Variants in IRAG2 observed in about 807,000 individuals in gnomAD.
IRAG2 encodes the protein inositol 1,4,5-triphosphate receptor associated 2.
In IRAG2, 45 loss-of-function variants were observed where a neutral mutation model predicts 69.9. That is an observed-to-expected ratio of 0.64 (90% CI 0.51 to 0.83). The LOEUF (loss-of-function observed/expected upper bound fraction) is 0.83, where lower values mean the gene tolerates loss of function less well. IRAG2 is among the 40% of genes least tolerant of loss of function. The pLI, the probability that IRAG2 is intolerant of heterozygous loss-of-function variation, is 0.00. For synonymous variants in IRAG2, 193 were observed against 202.4 expected (o/e 0.95, Z 0.40); for missense variants, 520 against 587.0 (o/e 0.89, Z 1.18).
chr12:25,103,811 A>G, intron 17 of IRAG2, 26 bp from the exon 18 acceptor site: 1 of 1,544,362 alleles, frequency 6.5e-7, no homozygotes, highest in Non-Finnish European at 8.9e-7. Flanking sequence ...GAGTTTTCTA[A>G]ATGTACATTT....
intron 2 of IRAG2, among the ~76,000 whole-genome samples, chr12:25,005,670 T>C (rs899688966): frequency 2.4e-4 from 36 of 152,330 alleles, no homozygotes; most frequent in African/African-American, 8.4e-4. Context: ...ACAGGAAATA[T>C]GCTTTTCAAA....
upstream of IRAG2, among the ~76,000 whole-genome samples, chr12:25,003,675 G>A (rs1163841905): frequency 1.3e-5 from 2 of 152,096 alleles, no homozygotes; most frequent in Non-Finnish European, 2.9e-5. Context: ...AAATCTTAGA[G>A]ATGGGACCAT....
chr12:25,062,988 G>C, intron 3 of IRAG2, 88 bp downstream of exon 3: 2 of 397,958 alleles, frequency 5.0e-6, no homozygotes, highest in Non-Finnish European at 8.9e-6. Flanking sequence ...GTATGTATCA[G>C]TAGTCTTAGA....
chr12:25,074,418 C>A (rs987093231), intron 6 of IRAG2, among the ~76,000 whole-genome samples: 1 of 152,188 alleles, frequency 6.6e-6, no homozygotes, highest in African/African-American at 2.4e-5. Flanking sequence ...GCCTCACCGA[C>A]TAGTGGCTTC....
intron 16 of IRAG2, among the ~76,000 whole-genome samples, chr12:25,038,390 C>T (rs531092021): frequency 2.6e-5 from 4 of 151,932 alleles, no homozygotes; most frequent in Non-Finnish European, 5.9e-5. Flanking sequence ...CGCCTGTAAT[C>T]CCAGCACTTT....
rs965576897 is a variant in IRAG2 at position 25,052,807 on chromosome 12, A to T, written c.-596A>T. On this transcript the variant is annotated 5_prime_UTR_variant, in exon 1 of 22. Transcript: ENST00000556887. ...ATCCATGTCCAGGGTAAGGATCGAGATCGAGAAGCCCACACTGCCAGTGAA... is the reference window on the plus strand; with the variant it reads ...ATCCATGTCCAGGGTAAGGATCGAGTTCGAGAAGCCCACACTGCCAGTGAA... 7.5e-6 allele frequency: 3 copies of T among 398,544 alleles called. No homozygotes were observed. The highest frequency in any genetic ancestry group is 6.2e-5 in the African/African-American group (3 of 48,638). 24.7% of individuals were successfully genotyped at this position (398,544 alleles called of 1,614,324 possible). A position where few individuals can be genotyped will look rare whatever the true frequency, so the allele number is the denominator to read the frequency against.
At chr12:25,074,601 A>G (rs1946555024) in intron 6 of IRAG2, among the ~76,000 whole-genome samples, 1 of 152,208 alleles carries the variant, frequency 6.6e-6, no homozygotes, top group Non-Finnish European at 1.5e-5. Flanking sequence ...ACTCTGTAAC[A>G]TACGCAAAAT....
At position 25,077,255 on chromosome 12, in the gene IRAG2, TATATATATGAA is replaced by T. The variant is rs1565562686; in HGVS notation, c.25-1967_25-1957del. ...ATATATATATGAAATATATATATGATATATATATGAAATATATATGAAATATATATGATATA... is the reference window on the plus strand; with the variant it reads ...ATATATATATGAAATATATATATGATATATATATGAAATATATATGATATA... On this transcript the variant is annotated intron_variant, in intron 6 of 21. Transcript: ENST00000556887. Among the ~76,000 whole-genome samples, 13 of 32,856 alleles carry T rather than the reference TATATATATGAA, an allele frequency of 4.0e-4. 2 individuals are homozygous for T. The highest frequency in any genetic ancestry group is 5.2e-4 in the Non-Finnish European group (8 of 15,400). The allele number at this position is 32,856 out of a possible 152,430, so 21.6% of individuals were successfully genotyped here. A position where few individuals can be genotyped will look rare whatever the true frequency, so the allele number is the denominator to read the frequency against.
At position 25,057,252 on chromosome 12, in the gene IRAG2, A is replaced by ATTTTT. The variant is rs368710047; in HGVS notation, c.-447+4316_-446-4316dup. ...GGTAGGTAGGTAGACAGGTAGACAG[A>ATTTTT]TTTTTTTTTTTTTTTTTTTTTTTTG... On this transcript the variant is annotated intron_variant, in intron 1 of 21. Coordinates refer to ENST00000556887, the MANE Select transcript of IRAG2 (RefSeq NM_001366544.2). Among the ~76,000 whole-genome samples, 867 of 89,026 alleles carry ATTTTT rather than the reference A, an allele frequency of 9.7e-3. 89 individuals are homozygous for ATTTTT. The highest frequency in any genetic ancestry group is 0.033 in the African/African-American group (717 of 21,658). 58.4% of individuals were successfully genotyped at this position (89,026 alleles called of 152,430 possible).
At position 25,108,054 on chromosome 12, in the gene IRAG2, A is replaced by C; in HGVS notation, c.1494A>C (p.Pro498=). The C allele has an allele frequency of 6.2e-7, 1 of 1,613,438 alleles. No individual in the cohort carries two copies. Among genetic ancestry groups the C allele is most frequent in the Non-Finnish European group, 8.5e-7 (1 of 1,179,408 alleles). Reference sequence around the variant, plus strand: ...GACTCCGACACAATGGGCCACCACCAGTGTGACAGCAGGACATCCTAATAT... The same window carrying C: ...GACTCCGACACAATGGGCCACCACCCGTGTGACAGCAGGACATCCTAATAT... ...FTRLRHNGPP[P]V is the part of the protein sequence containing the mutation. Residue 498 remains proline (P), a synonymous_variant, in exon 22 of 22, where the codon CCA becomes CCC. Coordinates refer to ENST00000556887, the MANE Select transcript of IRAG2 (RefSeq NM_001366544.2).
intron 6 of IRAG2, among the ~76,000 whole-genome samples, chr12:25,071,743 A>C (rs1169084777): frequency 1.3e-5 from 2 of 152,158 alleles, no homozygotes; most frequent in African/African-American, 4.8e-5. Context: ...CTCTTAGTAC[A>C]CTGAATTTAG....
chr12:25,020,628 C>G (rs1591927183), intron 6 of IRAG2, among the ~76,000 whole-genome samples: 1 of 152,282 alleles, frequency 6.6e-6, no homozygotes, highest in South Asian at 2.1e-4. Context: ...CCTTCCTTTT[C>G]CAAGGACTGA....
At chr12:25,063,245 T>G (rs1945744769) in intron 3 of IRAG2, among the ~76,000 whole-genome samples, 1 of 152,180 alleles carries the variant, frequency 6.6e-6, no homozygotes, top group African/African-American at 2.4e-5. Context: ...GTATTTTTAG[T>G]AGAGATGGGG....
chr12:25,070,416 T>A (rs12813199), intron 6 of IRAG2, among the ~76,000 whole-genome samples: 49,998 of 152,042 alleles, frequency 0.33, 8,730 homozygotes, highest in East Asian at 0.66. Flanking sequence ...GTTCTCAAGG[T>A]TCTCAGCATA....
At chr12:25,106,336 AAC>A (rs1204832372) in intron 20 of IRAG2, among the ~76,000 whole-genome samples, 1 of 140,246 alleles carries the variant, frequency 7.1e-6, no homozygotes, top group African/African-American at 2.5e-5. Flanking sequence ...ACATATATAC[AAC>A]ATATACATAC....
In IRAG2 at chr12:25,108,152, TGAAACCAGAGGTTCTCA is replaced by T. The variant is rs1949348911; in HGVS notation, c.*96_*112del. On this transcript the variant is annotated 3_prime_UTR_variant, in exon 22 of 22. Coordinates refer to ENST00000556887, the MANE Select transcript of IRAG2 (RefSeq NM_001366544.2). ...AACTTTTAGCTGGGAAAGTATAGCA[TGAAACCAGAGGTTCTCA>T]GAATGACTGTAAGATAGCTTACATT... The T allele has an allele frequency of 7.1e-7, 1 of 1,414,310 alleles. No individual in the cohort carries two copies. The highest frequency in any genetic ancestry group is 2.3e-5 in the East Asian group (1 of 43,636). 87.6% of individuals were successfully genotyped at this position (1,414,310 alleles called of 1,614,324 possible).
rs182376373 is a variant in IRAG2 at position 25,036,054 on chromosome 12, C to G, written c.1878+267C>G. Among the ~76,000 whole-genome samples the G allele has an allele frequency of 3.9e-5, 6 of 152,292 alleles. No individual in the cohort carries two copies. In the East Asian group the frequency reaches 9.6e-4, roughly 24 times the overall value. On this transcript the variant is annotated intron_variant, in intron 14 of 38. Coordinates refer to the IRAG2 transcript ENST00000636465. ...TGAGCTAATCTTTAGTATCAAAGGG[C>G]TGAAGACATGGTATCTATTGAACAG...
Position 25,021,689 on chromosome 12 carries a change from A to G in IRAG2, c.1332+782A>G, listed in dbSNP as rs559608184. Among the ~76,000 whole-genome samples, 33 of 152,344 alleles carry G rather than the reference A, an allele frequency of 2.2e-4. 1 individual carries two copies. Among genetic ancestry groups the G allele is most frequent in the African/African-American group, 7.7e-4 (32 of 41,588 alleles). On this transcript the variant is annotated intron_variant, in intron 7 of 38. Transcript: ENST00000636465. The stretch of plus-strand genomic sequence containing the variant: ...CAGCAGTACTCTAGTATCATTAACT[A>G]TGGTAAGGAGTGGCTGAAAGTCATT...
intron 8 of IRAG2, chr12:25,023,958 A>C: frequency 9.1e-7 from 1 of 1,094,904 alleles, no homozygotes; most frequent in Non-Finnish European, 1.2e-6. Context: ...ATAGACAAAC[A>C]TGCAAATCAT....
Sources: gnomAD v4.1 joint callset for allele counts (sites outside exome capture counted in the v4.1 genomes callset) on GRCh38, gnomAD v4.1.1 for gene constraint, MANE v1.5 for transcripts, NCBI Gene and HGNC (gene_info 2026-07-23, HGNC 2026-07-21) for gene names.